The following GRID2 variants were observed in gnomAD, a reference collection of about 807,000 sequenced individuals.
GRID2 encodes glutamate receptor ionotropic, delta-2.
In GRID2, 33 loss-of-function variants were observed where a neutral mutation model predicts 114.8. That is an observed-to-expected ratio of 0.29 (90% CI 0.22 to 0.38). The LOEUF is 0.38. Ranked by LOEUF, GRID2 falls within the 10% of genes least tolerant of loss-of-function variation. GRID2 has a pLI of 1.00. For missense variants in GRID2, 1,184 were observed against 1,257.7 expected (o/e 0.94, Z 0.89); for synonymous variants, 505 against 449.9 (o/e 1.12, Z -1.55).
At chr4:92,586,671 C>G (rs1728466289) in intron 1 of GRID2, among the ~76,000 whole-genome samples, 1 of 151,776 alleles carries the variant, frequency 6.6e-6, no homozygotes. Flanking sequence ...TTTAATATTA[C>G]TATAAATTGT....
Position 93,098,282 on chromosome 4 carries a change from T to C in GRID2, c.530-12466T>C, listed in dbSNP as rs369325275. ...TGCATTGTTCTCAATTGGCTTAACA[T>C]GCTAGTCATGATTTCAACCAAATGC... On this transcript the variant is annotated intron_variant, in intron 3 of 15. Coordinates refer to ENST00000282020, the MANE Select transcript of GRID2 (RefSeq NM_001510.4). Among the ~76,000 whole-genome samples the C allele has an allele frequency of 2.4e-4, 36 of 152,142 alleles. No individual in the cohort carries two copies. The East Asian group carries it at 3.5e-3, about 15-fold the overall frequency.
At chr4:92,473,467 G>A (rs1722142521) in intron 1 of GRID2, among the ~76,000 whole-genome samples, 1 of 151,984 alleles carries the variant, frequency 6.6e-6, no homozygotes, top group Non-Finnish European at 1.5e-5. Context: ...AATAGAAGTG[G>A]GAATAGTGGA....
intron 2 of GRID2, among the ~76,000 whole-genome samples, chr4:92,967,968 T>C (rs576834584): frequency 1.3e-5 from 2 of 151,992 alleles, no homozygotes; most frequent in East Asian, 1.9e-4. Context: ...TTACCTCTTA[T>C]TCATAATGAA....
chr4:93,780,064 C>A lies in GRID2; in HGVS notation c.221+10614C>A, dbSNP rs950642218. Among the ~76,000 whole-genome samples, 28 of 152,088 alleles carry A rather than the reference C, an allele frequency of 1.8e-4. 1 individual carries two copies. The highest frequency in any genetic ancestry group is 8.8e-5 in the Non-Finnish European group (6 of 68,030). On this transcript the variant is annotated intron_variant, in intron 1 of 1. Transcript: ENST00000637838. ...GGAGTTCACAGTTAACTGAGGGAGA[C>A]AGATAATAAGCCAGAAAGTAAGTGA...
At position 93,203,138 on chromosome 4, in the gene GRID2, C is replaced by T. The variant is rs529077678; in HGVS notation, c.736-4266C>T. ...TATCAGTTACCTTTTTATTCAGTGG[C>T]TTTTTAACATTGCTTTATTTTGGTA... is the stretch of plus-strand genomic sequence containing the variant. On this transcript the variant is annotated intron_variant, in intron 4 of 15. Coordinates refer to ENST00000282020, the MANE Select transcript of GRID2 (RefSeq NM_001510.4). Among the ~76,000 whole-genome samples the T allele has an allele frequency of 1.9e-4, 29 of 152,126 alleles. 1 individual carries two copies. In the South Asian group the frequency reaches 5.6e-3, roughly 29 times the overall value.
chr4:92,859,774 A>G (rs1205862334), intron 2 of GRID2, among the ~76,000 whole-genome samples: 1 of 152,164 alleles, frequency 6.6e-6, no homozygotes, highest in Non-Finnish European at 1.5e-5. Context: ...GCTGATCCAC[A>G]ACTGAAATTT....
At chr4:93,230,372 G>A (rs1004514384) in intron 7 of GRID2, among the ~76,000 whole-genome samples, 6 of 151,836 alleles carry the variant, frequency 4.0e-5, no homozygotes, top group Admixed American at 6.6e-5. Flanking sequence ...AATACTTTAC[G>A]TATTGGCATA....
At chr4:92,607,344 A>T (rs963462833) in intron 2 of GRID2, among the ~76,000 whole-genome samples, 2 of 151,972 alleles carry the variant, frequency 1.3e-5, no homozygotes, top group Non-Finnish European at 2.9e-5. Flanking sequence ...GAAGTTGATG[A>T]ATCAGTTATT....
intron 2 of GRID2, among the ~76,000 whole-genome samples, chr4:92,966,564 T>G (rs1753169984): frequency 1.3e-5 from 2 of 151,886 alleles, no homozygotes; most frequent in Non-Finnish European, 2.9e-5. Context: ...AATTGAACCA[T>G]GGGTGCAGTT....
intron 2 of GRID2, among the ~76,000 whole-genome samples, chr4:93,073,959 A>G (rs1324720516): frequency 6.6e-6 from 1 of 152,210 alleles, no homozygotes; most frequent in Non-Finnish European, 1.5e-5. Context: ...CACACAACAG[A>G]TGTCTACCAC....
chr4:92,626,085 G>A (rs1372260303), intron 2 of GRID2, among the ~76,000 whole-genome samples: 1 of 151,834 alleles, frequency 6.6e-6, no homozygotes, highest in African/African-American at 2.4e-5. Flanking sequence ...TATTTTTGAT[G>A]CATTGATGAG....
intron 2 of GRID2, among the ~76,000 whole-genome samples, chr4:92,774,237 A>T (rs1041054492): frequency 6.6e-6 from 1 of 152,098 alleles, no homozygotes; most frequent in Non-Finnish European, 1.5e-5. Flanking sequence ...GAGGCATGGG[A>T]TAGGCCATGG....
At chr4:92,828,062 A>G (rs781094137) in intron 2 of GRID2, among the ~76,000 whole-genome samples, 4 of 152,056 alleles carry the variant, frequency 2.6e-5, no homozygotes, top group Non-Finnish European at 4.4e-5. Flanking sequence ...CTTGACTTCA[A>G]TCTCCAACTA....
chr4:93,102,481 T>G (rs994623338), intron 3 of GRID2, among the ~76,000 whole-genome samples: 1 of 152,080 alleles, frequency 6.6e-6, no homozygotes, highest in Non-Finnish European at 1.5e-5. Context: ...AGAGGGTTAT[T>G]TATGGGCTCC....
At chr4:93,561,001 T>A (rs147687908) in intron 13 of GRID2, among the ~76,000 whole-genome samples, 11 of 152,180 alleles carry the variant, frequency 7.2e-5, no homozygotes, top group African/African-American at 2.4e-4. Context: ...CATATGGTTA[T>A]GACCTTACAT....
At chr4:93,782,727 G>GA (rs377574409) in intron 1 of GRID2, among the ~76,000 whole-genome samples, 2 of 151,888 alleles carry the variant, frequency 1.3e-5, no homozygotes, top group Admixed American at 6.6e-5. Context: ...CCAATTCTAA[G>GA]AAAAAAATAT....
intron 2 of GRID2, among the ~76,000 whole-genome samples, chr4:92,711,660 T>G (rs1310626665): frequency 6.6e-6 from 1 of 152,154 alleles, no homozygotes; most frequent in Admixed American, 6.5e-5. Flanking sequence ...CCAAGCACTT[T>G]GGGAAGTCAA....
chr4:93,675,241 T>C (rs190385492), intron 14 of GRID2, among the ~76,000 whole-genome samples: 2 of 152,262 alleles, frequency 1.3e-5, no homozygotes, highest in African/African-American at 4.8e-5. Flanking sequence ...AGAAATGAAG[T>C]CTGGAGTAAC....
At chr4:93,365,916 A>G (rs928983182) in intron 8 of GRID2, among the ~76,000 whole-genome samples, 7 of 152,274 alleles carry the variant, frequency 4.6e-5, no homozygotes, top group East Asian at 1.9e-4. Flanking sequence ...CTTTACTGCA[A>G]TCTCTAAACA....
Sources: allele counts gnomAD v4.1 joint callset (sites outside exome capture counted in the v4.1 genomes callset), GRCh38; gene constraint gnomAD v4.1.1; transcripts MANE v1.5; gene names NCBI Gene and HGNC (gene_info 2026-07-23, HGNC 2026-07-21).